The following SLCO3A1 variants were observed in gnomAD, a reference collection of about 807,000 sequenced individuals.
The protein encoded by SLCO3A1 is PGE1 transporter.
A neutral mutation model predicts 63.1 loss-of-function variants in SLCO3A1; 27 were observed. The ratio of observed to expected loss-of-function variants is 0.43; its 90% CI spans 0.32 to 0.59. The LOEUF (loss-of-function observed/expected upper bound fraction) is 0.59, where lower values mean the gene tolerates loss of function less well. SLCO3A1 is among the 20% of genes least tolerant of loss of function. The pLI, the probability that SLCO3A1 is intolerant of heterozygous loss-of-function variation, is 0.09. For synonymous variants in SLCO3A1, 473 were observed against 409.9 expected (o/e 1.15, Z -1.86); for missense variants, 773 against 945.8 (o/e 0.82, Z 2.40).
chr15:91,957,015 ATAGTATATAT>A (rs1900221553), intron 2 of SLCO3A1, among the ~76,000 whole-genome samples: 1 of 14,726 alleles, frequency 6.8e-5, no homozygotes, highest in Non-Finnish European at 9.0e-5. Flanking sequence ...TATATAATAT[ATAGTATATAT>A]AATATATAAT....
chr15:92,138,001 G>T (rs2048080849), intron 7 of SLCO3A1, among the ~76,000 whole-genome samples: 1 of 113,158 alleles, frequency 8.8e-6, no homozygotes, highest in African/African-American at 4.6e-5. Flanking sequence ...TGTCAATTTT[G>T]TCTTTTGTTG....
At chr15:92,157,442 C>A (rs138602420) in intron 9 of SLCO3A1, among the ~76,000 whole-genome samples, 7 of 152,034 alleles carry the variant, frequency 4.6e-5, no homozygotes, top group African/African-American at 1.7e-4. Flanking sequence ...CCTTGTCCTC[C>A]CTTCTGGACA....
intron 2 of SLCO3A1, among the ~76,000 whole-genome samples, chr15:91,993,071 T>G (rs1222766131): frequency 6.6e-6 from 1 of 152,210 alleles, no homozygotes; most frequent in African/African-American, 2.4e-5. Context: ...CTGGCTTCAG[T>G]AAGCAGCCTC....
At chr15:91,940,541 T>C (rs1410052489) in intron 2 of SLCO3A1, among the ~76,000 whole-genome samples, 1 of 152,170 alleles carries the variant, frequency 6.6e-6, no homozygotes, top group Non-Finnish European at 1.5e-5. Flanking sequence ...TTCAAATCAG[T>C]GCTTAAACTG....
chr15:92,118,815 C>A (rs919322060), intron 4 of SLCO3A1, among the ~76,000 whole-genome samples: 4 of 146,066 alleles, frequency 2.7e-5, no homozygotes, highest in Admixed American at 2.0e-4. Flanking sequence ...AACAAGTAAA[C>A]TGCATGTCAG....
chr15:91,924,583 GA>G (rs1320239345), intron 2 of SLCO3A1, among the ~76,000 whole-genome samples: 1 of 152,160 alleles, frequency 6.6e-6, no homozygotes, highest in Non-Finnish European at 1.5e-5. Flanking sequence ...GTCACAGCCA[GA>G]AAAAAAGTGT....
At chr15:91,871,289 G>A (rs1226413895) in intron 1 of SLCO3A1, among the ~76,000 whole-genome samples, 1 of 152,136 alleles carries the variant, frequency 6.6e-6, no homozygotes, top group Non-Finnish European at 1.5e-5. Flanking sequence ...GTGCTGAGTA[G>A]GCTTGGCTAG....
At chr15:91,959,039 A>T in intron 2 of SLCO3A1, among the ~76,000 whole-genome samples, 1 of 152,206 alleles carries the variant, frequency 6.6e-6, no homozygotes, top group East Asian at 1.9e-4. Flanking sequence ...TCAACCAAGG[A>T]GTGGATAAAG....
At chr15:92,160,828 C>A (rs949100198) in intron 9 of SLCO3A1, among the ~76,000 whole-genome samples, 32 of 152,136 alleles carry the variant, frequency 2.1e-4, no homozygotes, top group African/African-American at 7.5e-4. Flanking sequence ...TAAGCCTTCC[C>A]TCTCTCCCCA....
intron 1 of SLCO3A1, among the ~76,000 whole-genome samples, chr15:91,895,357 A>G (rs1339345627): frequency 1.3e-5 from 2 of 152,218 alleles, no homozygotes; most frequent in African/African-American, 4.8e-5. Context: ...TTCATGAAAC[A>G]ATGAACCAGG....
At chr15:92,171,941 C>T (rs1011018929) in exon 11 of SLCO3A1, 4 of 1,035,744 alleles carry the variant, frequency 3.9e-6, no homozygotes, top group South Asian at 2.7e-5. Flanking sequence ...TTAGCGCGCT[C>T]CTCCCTGTCC....
chr15:91,859,465 A>G lies in SLCO3A1; in HGVS notation c.180+5377A>G, dbSNP rs1275236407. On this transcript the variant is annotated intron_variant, in intron 1 of 9. Coordinates refer to ENST00000318445, the MANE Select transcript of SLCO3A1 (RefSeq NM_013272.4). This position sits in a 1 kb window ranked among gnomAD's most constrained non-coding sequence, Gnocchi z 5.1. ...GTAGCCTAAGTGTTTATGTGTTAGC[A>G]TGAGACAAATTATTGCTTAATGGTT... Among the ~76,000 whole-genome samples the G allele has an allele frequency of 6.6e-6, 1 of 152,232 alleles. No individual in the cohort carries two copies. The highest frequency in any genetic ancestry group is 1.9e-4 in the East Asian group (1 of 5,196).
chr15:91,918,768 GGATT>G (rs1465740512), intron 2 of SLCO3A1, among the ~76,000 whole-genome samples: 1 of 152,188 alleles, frequency 6.6e-6, no homozygotes, highest in Non-Finnish European at 1.5e-5. Flanking sequence ...CCACTGAACA[GGATT>G]GATATAAAAT....
chr15:92,109,598 A>G (rs1412032004), intron 4 of SLCO3A1, among the ~76,000 whole-genome samples: 2 of 152,124 alleles, frequency 1.3e-5, no homozygotes, highest in Non-Finnish European at 2.9e-5. Context: ...GGGCAATCAA[A>G]AGCTGAGCAC....
At chr15:91,923,311 C>T (rs1898909091) in intron 2 of SLCO3A1, among the ~76,000 whole-genome samples, 1 of 152,176 alleles carries the variant, frequency 6.6e-6, no homozygotes. Flanking sequence ...AACGCAGGAG[C>T]AGATCTTTGG....
chr15:91,917,440 A>G (rs891751382), intron 2 of SLCO3A1, among the ~76,000 whole-genome samples: 8 of 152,208 alleles, frequency 5.3e-5, no homozygotes, highest in Non-Finnish European at 1.2e-4. Context: ...CTGAGATAGG[A>G]TGGTTTGGAA....
At position 92,073,999 on chromosome 15, in the gene SLCO3A1, G is replaced by A. The variant is rs564003743; in HGVS notation, c.647-20882G>A. On this transcript the variant is annotated intron_variant, in intron 2 of 9. Coordinates refer to ENST00000318445, the MANE Select transcript of SLCO3A1 (RefSeq NM_013272.4). The stretch of plus-strand genomic sequence containing the variant: ...ACCTGGCCAACATGGTGAAACCCCC[G>A]TCTCTACTAAAAGTACAAAAAATTA... Among the ~76,000 whole-genome samples the A allele has an allele frequency of 1.6e-4, 24 of 152,276 alleles. No homozygotes were observed. In the South Asian group the frequency reaches 2.1e-3, roughly 13 times the overall value.
intron 1 of SLCO3A1, among the ~76,000 whole-genome samples, chr15:91,879,855 CCTGAAGAGGATCCCATGGTCT>C (rs1479668635): frequency 6.6e-6 from 1 of 152,106 alleles, no homozygotes; most frequent in Admixed American, 6.5e-5. Context: ...TAACGAGATT[CCTGAAGAGGATCCCATGGTCT>C]CCGAAGCTCC....
intron 2 of SLCO3A1, among the ~76,000 whole-genome samples, chr15:91,933,010 C>T (rs1280888608): frequency 6.6e-6 from 1 of 152,014 alleles, no homozygotes; most frequent in Admixed American, 6.6e-5. Flanking sequence ...GAGAATCTTC[C>T]CCATTTCAAC....
Sources: gnomAD v4.1 joint callset for allele counts (sites outside exome capture counted in the v4.1 genomes callset) on GRCh38, gnomAD v4.1.1 for gene constraint, Gnocchi (gnomAD v3.1) non-coding constraint, MANE v1.5 for transcripts, NCBI Gene and HGNC (gene_info 2026-07-23, HGNC 2026-07-21) for gene names.